The following JAZF1 variants were observed in gnomAD, a reference collection of about 807,000 sequenced individuals.
JAZF1 encodes the protein JAZF zinc finger 1.
In JAZF1, 8 loss-of-function variants were observed where a neutral mutation model predicts 26.4. The observed-to-expected ratio is 0.30, with a 90% CI of 0.18 to 0.55. The LOEUF (loss-of-function observed/expected upper bound fraction) is 0.55, where lower values mean the gene tolerates loss of function less well. Ranked by LOEUF, JAZF1 falls within the 20% of genes least tolerant of loss-of-function variation. The pLI, the probability that JAZF1 is intolerant of heterozygous loss-of-function variation, is 0.94. For synonymous variants in JAZF1, 126 were observed against 122.3 expected, an observed-to-expected ratio of 1.03 and a Z score of -0.20; for missense variants, 199 against 322.0, an observed-to-expected ratio of 0.62 and a Z score of 2.92.
intron 2 of JAZF1, among the ~76,000 whole-genome samples, chr7:27,931,850 T>C (rs1416579172): frequency 6.6e-6 from 1 of 151,898 alleles, no homozygotes; most frequent in Non-Finnish European, 1.5e-5. Flanking sequence ...GAGGTAGAGG[T>C]TGCAGTGAGC....
chr7:27,846,364 T>G, intron 3 of JAZF1: 1 of 337,328 alleles, frequency 3.0e-6, no homozygotes, highest in Non-Finnish European at 6.1e-6. Flanking sequence ...TACGTGTACA[T>G]ATGTATACGT....
intron 2 of JAZF1, among the ~76,000 whole-genome samples, chr7:27,985,324 C>A (rs1785678288): frequency 6.6e-6 from 1 of 152,174 alleles, no homozygotes. Flanking sequence ...ACTATAAACA[C>A]CTCTATGCAA....
chr7:27,977,400 T>G (rs1785495180), intron 2 of JAZF1, among the ~76,000 whole-genome samples: 1 of 152,206 alleles, frequency 6.6e-6, no homozygotes, highest in Admixed American at 6.5e-5. Flanking sequence ...TATGTGGGTT[T>G]GGTTTTAGGG....
At chr7:28,121,907 G>A (rs1037059588) in intron 1 of JAZF1, among the ~76,000 whole-genome samples, 4 of 152,148 alleles carry the variant, frequency 2.6e-5, no homozygotes, top group African/African-American at 9.7e-5. Flanking sequence ...AATCTTGGAA[G>A]CTGACAAAAG....
At chr7:27,929,234 G>C (rs1784645153) in intron 2 of JAZF1, among the ~76,000 whole-genome samples, 3 of 126,130 alleles carry the variant, frequency 2.4e-5, no homozygotes, top group Non-Finnish European at 5.0e-5. Context: ...CTGTGATTTA[G>C]GGTAGGGTGG....
At chr7:28,178,639 C>T (rs989862716) in intron 1 of JAZF1, among the ~76,000 whole-genome samples, 1 of 152,132 alleles carries the variant, frequency 6.6e-6, no homozygotes, top group African/African-American at 2.4e-5. Flanking sequence ...CCGGTGTTTT[C>T]GCTTTATTTT....
intron 1 of JAZF1, among the ~76,000 whole-genome samples, chr7:28,130,098 C>A (rs1782766179): frequency 6.6e-6 from 1 of 152,058 alleles, no homozygotes; most frequent in Non-Finnish European, 1.5e-5. Context: ...TTTTATTAAA[C>A]TGATTTTGTA....
chr7:27,931,436 TATTAC>T (rs546507337), intron 2 of JAZF1, among the ~76,000 whole-genome samples: 352 of 152,312 alleles, frequency 2.3e-3, no homozygotes, highest in African/African-American at 8.0e-3. Context: ...AACACAGGAC[TATTAC>T]ATTACAAGAA....
chr7:28,062,046 G>T (rs1036747458), intron 1 of JAZF1, among the ~76,000 whole-genome samples: 7 of 152,298 alleles, frequency 4.6e-5, no homozygotes, highest in Non-Finnish European at 1.0e-4. Flanking sequence ...CAGTTACAAG[G>T]TAGAGCGTGA....
chr7:27,950,372 C>A (rs1271184297), intron 2 of JAZF1, among the ~76,000 whole-genome samples: 1 of 152,126 alleles, frequency 6.6e-6, no homozygotes, highest in Non-Finnish European at 1.5e-5. Context: ...TGGCCCAGTG[C>A]CCATAGGCAC....
At chr7:27,902,063 T>C (rs1784170491) in intron 2 of JAZF1, among the ~76,000 whole-genome samples, 1 of 152,210 alleles carries the variant, frequency 6.6e-6, no homozygotes, top group African/African-American at 2.4e-5. Context: ...AAAACATCAT[T>C]GGAAGGCAAA....
At chr7:28,141,284 G>A (rs1466142278) in intron 1 of JAZF1, among the ~76,000 whole-genome samples, 1 of 152,144 alleles carries the variant, frequency 6.6e-6, no homozygotes, top group Non-Finnish European at 1.5e-5. Flanking sequence ...CAGAACAGAA[G>A]GTTTAAGGAA....
chr7:27,986,609 A>G (rs937965178), intron 2 of JAZF1, among the ~76,000 whole-genome samples: 9 of 152,006 alleles, frequency 5.9e-5, no homozygotes, highest in Non-Finnish European at 7.4e-5. Context: ...ATTGGAAAAA[A>G]CTACTTTGAA....
Position 27,882,575 on chromosome 7 carries a change from A to G in JAZF1, c.385+12645T>C, listed in dbSNP as rs1783792207. 3.3e-5 allele frequency among the ~76,000 whole-genome samples: 5 copies of G among 152,172 alleles called. No homozygotes were observed. The South Asian group carries it at 1.0e-3, about 31-fold the overall frequency. On this transcript the variant is annotated intron_variant, in intron 3 of 4. Transcript: ENST00000283928. ...ACCACTTGTTCTGAGTGCATTTCCA[A>G]CATCTGACACAAGTCCTGGGACAGG...
chr7:27,883,717 C>T (rs879821697), intron 3 of JAZF1, among the ~76,000 whole-genome samples: 3 of 152,180 alleles, frequency 2.0e-5, no homozygotes, highest in Admixed American at 6.5e-5. Context: ...TATTGGAAGA[C>T]GTAGGTGCTG....
At chr7:27,934,394 A>C (rs1784731184) in intron 2 of JAZF1, among the ~76,000 whole-genome samples, 1 of 152,176 alleles carries the variant, frequency 6.6e-6, no homozygotes, top group South Asian at 2.1e-4. Flanking sequence ...GCACCACCTA[A>C]AGGGCATTTC....
At chr7:27,900,673 G>C (rs1324555623) in intron 2 of JAZF1, among the ~76,000 whole-genome samples, 4 of 152,104 alleles carry the variant, frequency 2.6e-5, no homozygotes, top group Non-Finnish European at 5.9e-5. Flanking sequence ...GAATTAATCA[G>C]GGAAGGAACG....
At chr7:28,167,145 C>T (rs894775613) in intron 1 of JAZF1, among the ~76,000 whole-genome samples, 1 of 152,184 alleles carries the variant, frequency 6.6e-6, no homozygotes, top group Non-Finnish European at 1.5e-5. Context: ...TATTCCCATG[C>T]TCATTGCACA....
chr7:28,094,642 C>A (rs1400506731), intron 1 of JAZF1, among the ~76,000 whole-genome samples: 6 of 152,234 alleles, frequency 3.9e-5, no homozygotes, highest in African/African-American at 1.4e-4. Flanking sequence ...GCACCCAGCA[C>A]TTGAAATTTT....
Sources: allele counts gnomAD v4.1 joint callset (sites outside exome capture counted in the v4.1 genomes callset), GRCh38; gene constraint gnomAD v4.1.1; transcripts MANE v1.5; gene names NCBI Gene and HGNC (gene_info 2026-07-23, HGNC 2026-07-21).